The following ALG9 variants were observed in gnomAD, a reference collection of about 807,000 sequenced individuals.
ALG9 encodes alpha-1,2-mannosyltransferase ALG9.
A neutral mutation model predicts 81.8 loss-of-function variants in ALG9; 55 were observed. The ratio of observed to expected loss-of-function variants is 0.67; its 90% CI spans 0.54 to 0.84. The LOEUF (loss-of-function observed/expected upper bound fraction) is 0.84, where lower values mean the gene tolerates loss of function less well. Ranked by LOEUF, ALG9 falls within the 40% of genes least tolerant of loss-of-function variation. ALG9 has a pLI of 0.00. For missense variants in ALG9, 629 were observed against 745.0 expected (o/e 0.84, Z 1.81); for synonymous variants, 278 against 274.3 (o/e 1.01, Z -0.13).
At chr11:111,807,667 T>C (rs908423500) in intron 14 of ALG9, among the ~76,000 whole-genome samples, 4 of 152,172 alleles carry the variant, frequency 2.6e-5, no homozygotes, top group African/African-American at 4.8e-5. Flanking sequence ...CCTAGAACAT[T>C]GCAGGCTCTC....
At chr11:111,865,315 T>C in intron 3 of ALG9, 64 bp from the exon 4 acceptor site, 1 of 1,205,012 alleles carries the variant, frequency 8.3e-7, no homozygotes, top group South Asian at 1.4e-5. Context: ...CTCATAAACA[T>C]GAACCACTCT....
chr11:111,799,709 T>C (rs1948824562), intron 14 of ALG9, among the ~76,000 whole-genome samples: 1 of 152,202 alleles, frequency 6.6e-6, no homozygotes, highest in Admixed American at 6.5e-5. Flanking sequence ...TAAAGCAAGA[T>C]GACCATATAT....
intron 13 of ALG9, among the ~76,000 whole-genome samples, chr11:111,827,498 GAC>G (rs1953546514): frequency 6.6e-6 from 1 of 151,582 alleles, no homozygotes; most frequent in Non-Finnish European, 1.5e-5. Flanking sequence ...AGCACATAGA[GAC>G]AATAAAAAGT....
At chr11:111,817,832 A>G (rs1951746764) in intron 13 of ALG9, among the ~76,000 whole-genome samples, 1 of 147,350 alleles carries the variant, frequency 6.8e-6, no homozygotes, top group South Asian at 2.1e-4. Context: ...GCTGGAGTGC[A>G]GTGGTGCGGT....
the ALG9 span, among the ~76,000 whole-genome samples, chr11:111,772,138 C>A: frequency 2.0e-5 from 3 of 152,158 alleles, no homozygotes; most frequent in Middle Eastern, 3.2e-3. Context: ...AATAGGACAG[C>A]CGGGCAAGGT....
chr11:111,858,027 C>T (rs1365680148), intron 5 of ALG9: 4 of 374,728 alleles, frequency 1.1e-5, no homozygotes, highest in East Asian at 6.7e-5. Flanking sequence ...CAACCTGATT[C>T]CCTGGTTCAA....
intron 13 of ALG9, among the ~76,000 whole-genome samples, chr11:111,826,299 T>C (rs1555108425): frequency 6.6e-6 from 1 of 150,404 alleles, no homozygotes; most frequent in Non-Finnish European, 1.5e-5. Flanking sequence ...GGTGGGAGGA[T>C]TGTTTGAGTC....
chr11:111,824,111 G>A (rs546049879), intron 13 of ALG9, among the ~76,000 whole-genome samples: 170 of 152,254 alleles, frequency 1.1e-3, no homozygotes, highest in African/African-American at 3.8e-3. Flanking sequence ...ATGGGAGATC[G>A]CTTGATTTCT....
At chr11:111,775,155 GC>G in the ALG9 span, among the ~76,000 whole-genome samples, 1 of 152,118 alleles carries the variant, frequency 6.6e-6, no homozygotes, top group Admixed American at 6.5e-5. Context: ...TAGGCACACT[GC>G]CCCCAGGATC....
Position 111,861,781 on chromosome 11 carries a change from CCTTT to C in ALG9, c.477-1150_477-1147del, listed in dbSNP as rs1450348311. Among the ~76,000 whole-genome samples, 3 of 151,886 alleles carry C rather than the reference CCTTT, an allele frequency of 2.0e-5. No individual in the cohort carries two copies. In the East Asian group the frequency reaches 5.8e-4, roughly 29 times the overall value. ...TTACAGGCTTCTTCCTTTTTTTTTCCCTTTCTCTTTTTTTTTTAAACTGAAAAGT... is the reference window on the plus strand; with the variant it reads ...TTACAGGCTTCTTCCTTTTTTTTTCCCTCTTTTTTTTTTAAACTGAAAAGT... On this transcript the variant is annotated intron_variant, in intron 4 of 14. Coordinates refer to ENST00000616540, the MANE Select transcript of ALG9 (RefSeq NM_024740.2).
chr11:111,855,252 C>T (rs540424524), intron 6 of ALG9, among the ~76,000 whole-genome samples: 6 of 152,286 alleles, frequency 3.9e-5, no homozygotes, highest in Admixed American at 1.3e-4. Context: ...CCTTTAAAAA[C>T]GTAAAAACTA....
Position 111,793,997 on chromosome 11 carries a change from T to C in ALG9, c.1734-7477A>G, listed in dbSNP as rs1947861140. ...GCCTCTATCATGGAAACTGAAATAC[T>C]TCCCCTCCCAGTGAGAAAGTCACTC... On this transcript the variant is annotated intron_variant, in intron 14 of 14. Coordinates refer to ENST00000616540, the MANE Select transcript of ALG9 (RefSeq NM_024740.2). 2.6e-5 allele frequency among the ~76,000 whole-genome samples: 4 copies of C among 152,316 alleles called. No homozygotes were observed. The South Asian group carries it at 8.3e-4, about 32-fold the overall frequency.
rs112002680 is a variant in ALG9, at chr11:111,820,425, C to T, written c.1603-10652G>A. 3.3e-5 allele frequency among the ~76,000 whole-genome samples: 5 copies of T among 152,310 alleles called. 1 individual carries two copies. The highest frequency in any genetic ancestry group is 1.2e-4 in the African/African-American group (5 of 41,572). On this transcript the variant is annotated intron_variant, in intron 13 of 14. Coordinates refer to ENST00000616540, the MANE Select transcript of ALG9 (RefSeq NM_024740.2). The stretch of plus-strand genomic sequence containing the variant: ...AGAAGGGCAAAGACAGGGCAAGAGA[C>T]AGCAAGAAGGGGATGAACTCATTGT...
At chr11:111,805,929 T>G (rs1949862202) in intron 14 of ALG9, among the ~76,000 whole-genome samples, 1 of 152,174 alleles carries the variant, frequency 6.6e-6, no homozygotes, top group South Asian at 2.1e-4. Context: ...TGATCTTGGC[T>G]CACTGCGACT....
intron 13 of ALG9, among the ~76,000 whole-genome samples, chr11:111,819,480 G>A (rs1278554964): frequency 1.3e-5 from 2 of 152,182 alleles, no homozygotes; most frequent in Admixed American, 1.3e-4. Context: ...AAGAGTCCAA[G>A]GGGATAATGT....
chr11:111,814,115 C>CA (rs1475362899), intron 13 of ALG9, among the ~76,000 whole-genome samples: 2 of 151,982 alleles, frequency 1.3e-5, no homozygotes, highest in Non-Finnish European at 2.9e-5. Context: ...AGATTGGAAA[C>CA]AAAAACACCC....
chr11:111,852,877 G>A (rs1297981446), intron 8 of ALG9, among the ~76,000 whole-genome samples: 5 of 150,440 alleles, frequency 3.3e-5, no homozygotes, highest in Admixed American at 2.7e-4. Flanking sequence ...AGGAGGTGGA[G>A]GTTGCAGGGA....
chr11:111,813,632 A>G (rs1951060849), intron 13 of ALG9, among the ~76,000 whole-genome samples: 1 of 152,188 alleles, frequency 6.6e-6, no homozygotes, highest in African/African-American at 2.4e-5. Flanking sequence ...CATATCTAGA[A>G]TATATATAAC....
chr11:111,794,668 C>CCA (rs1947966956), intron 14 of ALG9, among the ~76,000 whole-genome samples: 1 of 152,094 alleles, frequency 6.6e-6, no homozygotes, highest in Non-Finnish European at 1.5e-5. Flanking sequence ...ACCTATCTAT[C>CCA]TATCCATCCA....
Sources: allele counts gnomAD v4.1 joint callset (sites outside exome capture counted in the v4.1 genomes callset), GRCh38; gene constraint gnomAD v4.1.1; transcripts MANE v1.5; gene names NCBI Gene and HGNC (gene_info 2026-07-23, HGNC 2026-07-21).